ARFGEF3: variants seen among roughly 807,000 people sequenced by gnomAD.
ARFGEF3 encodes the protein ARFGEF family member 3, also known as brefeldin A-inhibited guanine nucleotide-exchange protein 3.
Under a neutral mutation model 221.7 loss-of-function variants are expected in ARFGEF3, and 96 were observed. That is an observed-to-expected ratio of 0.43 (90% confidence interval 0.37 to 0.51). The LOEUF (loss-of-function observed/expected upper bound fraction) is 0.51, where lower values mean the gene tolerates loss of function less well. Among genes scored for constraint, ARFGEF3 ranks in the 20% least tolerant of loss-of-function variants. The probability of loss-of-function intolerance (pLI) is 0.00; values close to 1 mark genes in which losing one functional copy is unlikely to be tolerated. For synonymous variants in ARFGEF3, 1,145 were observed against 1,126.8 expected (o/e 1.02, Z -0.32); for missense variants, 2,410 against 2,789.9 (o/e 0.86, Z 3.07).
chr6:138,248,943 T>C (rs534130303), intron 8 of ARFGEF3, among the ~76,000 whole-genome samples: 14 of 152,334 alleles, frequency 9.2e-5, no homozygotes, highest in South Asian at 2.1e-4. Context: ...AAAAGAGTCT[T>C]AGAGTAGGTC....
chr6:138,246,106 C>T (rs1181216941), intron 8 of ARFGEF3, among the ~76,000 whole-genome samples: 1 of 152,082 alleles, frequency 6.6e-6, no homozygotes, highest in African/African-American at 2.4e-5. Flanking sequence ...TTTTGTTTTG[C>T]GTATCAGCTT....
intron 2 of ARFGEF3, among the ~76,000 whole-genome samples, chr6:138,193,251 G>A (rs1451746888): frequency 2.6e-5 from 4 of 152,152 alleles, no homozygotes; most frequent in South Asian, 2.1e-4. Context: ...AGCTGACCAA[G>A]TTCCATTGTC....
intron 19 of ARFGEF3, among the ~76,000 whole-genome samples, chr6:138,293,659 G>T (rs1477613548): frequency 1.3e-5 from 2 of 152,176 alleles, no homozygotes; most frequent in African/African-American, 4.8e-5. Context: ...AGCTAATTCT[G>T]AAGATTCCAT....
At chr6:138,331,103 C>G (rs1414211785) in intron 32 of ARFGEF3, among the ~76,000 whole-genome samples, 1 of 152,156 alleles carries the variant, frequency 6.6e-6, no homozygotes, top group Non-Finnish European at 1.5e-5. Flanking sequence ...GAATAATAGG[C>G]TGCATTCAAG....
chr6:138,341,551 C>G lies in ARFGEF3; in HGVS notation c.*5065C>G, dbSNP rs1298888760. On this transcript the variant is annotated 3_prime_UTR_variant, in exon 34 of 34. Transcript: ENST00000251691. ...GTGGCCTTAGGAAAGCAAAAGAGCA[C>G]TTTTTATTGGAAATATGAGCTTGTC... The G allele has an allele frequency of 2.6e-5, 4 of 153,302 alleles. No homozygotes were observed. The East Asian group carries it at 7.7e-4, about 30-fold the overall frequency. The allele number at this position is 153,302 out of a possible 1,614,324, so 9.5% of individuals were successfully genotyped here.
At chr6:138,182,826 A>C (rs1777105084) in intron 2 of ARFGEF3, among the ~76,000 whole-genome samples, 2 of 152,170 alleles carry the variant, frequency 1.3e-5, no homozygotes, top group South Asian at 2.1e-4. Flanking sequence ...CTGAGAGAAG[A>C]TTTAGGATAG....
In ARFGEF3 at chr6:138,163,740, T is replaced by A. The variant is rs371525937; in HGVS notation, c.85+1569T>A. Among the ~76,000 whole-genome samples the A allele has an allele frequency of 4.3e-4, 66 of 152,336 alleles. 1 individual carries two copies. The South Asian group carries it at 0.013, about 30-fold the overall frequency. On this transcript the variant is annotated intron_variant, in intron 1 of 33. Transcript: ENST00000251691. ...GCAGGTAAATTTTTCGAGTCAAATC[T>A]GAAAGAAACCAGCCTGAGTGGATGT...
chr6:138,194,906 A>G (rs1583004670), intron 2 of ARFGEF3, among the ~76,000 whole-genome samples: 1 of 151,248 alleles, frequency 6.6e-6, no homozygotes, highest in Non-Finnish European at 1.5e-5. Context: ...ACAGGCATTC[A>G]GTGTTCAGGC....
Position 138,334,186 on chromosome 6 carries a change from T to C in ARFGEF3, c.5340T>C (p.Thr1780=), listed in dbSNP as rs762913583. The part of the protein sequence containing the change: ...IFDLLLDSYR[T]AREFDTSPGL... ...ACCTGCTGCTGGACTCTTATAGGAC[T>C]GCCAGGGAGTTTGACACCAGCCCCG... Residue 1780 remains threonine (T), a synonymous_variant, in exon 33 of 34, where the codon ACT becomes ACC. Transcript: ENST00000251691. This position sits in a 1 kb window ranked among gnomAD's most constrained non-coding sequence, Gnocchi z 5.1. 1.2e-6 allele frequency: 2 copies of C among 1,613,896 alleles called. No homozygotes were observed. The highest frequency in any genetic ancestry group is 1.7e-6 in the Non-Finnish European group (2 of 1,179,850).
chr6:138,334,792 T>G lies in ARFGEF3; in HGVS notation c.5946T>G (p.Gly1982=). The G allele has an allele frequency of 2.5e-6, 4 of 1,606,326 alleles. No homozygotes were observed. The highest frequency in any genetic ancestry group is 3.4e-6 in the Non-Finnish European group (4 of 1,176,654). The change falls in exon 33 of 34, where the codon GGT becomes GGG. Residue 1982 remains glycine (G), a synonymous_variant. Coordinates refer to ENST00000251691, the MANE Select transcript of ARFGEF3 (RefSeq NM_020340.5). This position sits in a 1 kb window ranked among gnomAD's most constrained non-coding sequence, Gnocchi z 5.1. Reference sequence around the variant, plus strand: ...GCGAGTCCCTGAGCCTGAAGGCCGGTGGTGGGGACCTGCTGCTGCCCCCCA... The same window carrying G: ...GCGAGTCCCTGAGCCTGAAGGCCGGGGGTGGGGACCTGCTGCTGCCCCCCA... ...HMGESLSLKA[G]GGDLLLPPSP...
chr6:138,319,643 T>C, intron 27 of ARFGEF3, 60 bp from the exon 28 acceptor site: 2 of 1,226,732 alleles, frequency 1.6e-6, no homozygotes, highest in Non-Finnish European at 2.3e-6. Context: ...CAATGCCAGG[T>C]GGAGGCAAAG....
intron 26 of ARFGEF3, among the ~76,000 whole-genome samples, chr6:138,315,518 G>A (rs1234758575): frequency 1.3e-5 from 2 of 152,114 alleles, no homozygotes; most frequent in South Asian, 4.1e-4. Flanking sequence ...GGGTGGCTAG[G>A]AGATTTAAAA....
intron 31 of ARFGEF3, among the ~76,000 whole-genome samples, chr6:138,324,934 G>A (rs768724885): frequency 4.6e-5 from 7 of 152,154 alleles, no homozygotes; most frequent in Non-Finnish European, 8.8e-5. Context: ...TGCCATCCCC[G>A]AATTCACATA....
chr6:138,293,862 A>G, intron 19 of ARFGEF3, 131 bp from the exon 20 acceptor site: 1 of 819,768 alleles, frequency 1.2e-6, no homozygotes, highest in Non-Finnish European at 1.9e-6. Flanking sequence ...ATAGAATAAT[A>G]CCATACATTT....
intron 26 of ARFGEF3, among the ~76,000 whole-genome samples, chr6:138,314,527 A>C (rs1779885678): frequency 6.6e-6 from 1 of 152,230 alleles, no homozygotes; most frequent in South Asian, 2.1e-4. Flanking sequence ...CCAACTCAAG[A>C]GTCTCATCTA....
chr6:138,287,622 CAG>C (rs534038148), intron 17 of ARFGEF3, among the ~76,000 whole-genome samples: 11 of 152,166 alleles, frequency 7.2e-5, no homozygotes, highest in Admixed American at 2.6e-4. Flanking sequence ...AGGCTCTTAT[CAG>C]AGAAAAATCT....
At chr6:138,241,622 G>A (rs2114553002) in intron 6 of ARFGEF3, among the ~76,000 whole-genome samples, 1 of 152,248 alleles carries the variant, frequency 6.6e-6, no homozygotes, top group South Asian at 2.1e-4. Flanking sequence ...AAACTCAATT[G>A]ATTGAGATAC....
chr6:138,284,924 A>G (rs1779259929), intron 14 of ARFGEF3, among the ~76,000 whole-genome samples: 1 of 152,246 alleles, frequency 6.6e-6, no homozygotes, highest in South Asian at 2.1e-4. Context: ...GAATACTGTA[A>G]GCAGCTGTCA....
chr6:138,168,470 A>G (rs147053708), intron 1 of ARFGEF3, among the ~76,000 whole-genome samples: 116 of 152,298 alleles, frequency 7.6e-4, no homozygotes, highest in Middle Eastern at 3.4e-3. Context: ...TGGGCTCTCT[A>G]AGGATGAGAT....
Sources: gnomAD v4.1 joint callset for allele counts (sites outside exome capture counted in the v4.1 genomes callset) on GRCh38, gnomAD v4.1.1 for gene constraint, Gnocchi (gnomAD v3.1) non-coding constraint, MANE v1.5 for transcripts, NCBI Gene and HGNC (gene_info 2026-07-23, HGNC 2026-07-21) for gene names.